NKAIN2: variants seen among roughly 807,000 people sequenced by gnomAD.
The protein encoded by NKAIN2 is sodium/potassium transporting ATPase interacting 2, also known as sodium/potassium-transporting ATPase subunit beta-1-interacting protein 2.
Under a neutral mutation model 32.6 loss-of-function variants are expected in NKAIN2, and 14 were observed. That is an observed-to-expected ratio of 0.43 (90% confidence interval 0.28 to 0.67). The LOEUF (loss-of-function observed/expected upper bound fraction) is 0.67, where lower values mean the gene tolerates loss of function less well. Ranked by LOEUF, NKAIN2 falls within the 30% of genes least tolerant of loss-of-function variation. The pLI, the probability that NKAIN2 is intolerant of heterozygous loss-of-function variation, is 0.17. For missense variants in NKAIN2, 198 were observed against 258.3 expected (o/e 0.77, Z 1.60); for synonymous variants, 80 against 87.2 (o/e 0.92, Z 0.46).
At chr6:124,090,395 T>C (rs558946459) in intron 1 of NKAIN2, among the ~76,000 whole-genome samples, 28 of 152,130 alleles carry the variant, frequency 1.8e-4, no homozygotes, top group African/African-American at 6.5e-4. Context: ...GGGAGTAAAC[T>C]TTCTGACTGC....
chr6:124,561,063 A>G (rs999943251), intron 3 of NKAIN2, among the ~76,000 whole-genome samples: 2 of 143,474 alleles, frequency 1.4e-5, no homozygotes, highest in African/African-American at 2.5e-5. Flanking sequence ...CAGTGCCCTC[A>G]TCAGCCCTGA....
At chr6:124,501,126 T>A (rs551426392) in intron 3 of NKAIN2, among the ~76,000 whole-genome samples, 32 of 151,754 alleles carry the variant, frequency 2.1e-4, no homozygotes, top group Non-Finnish European at 4.3e-4. Flanking sequence ...AATGTAGGAG[T>A]CATGGGAGTC....
At chr6:124,067,735 C>T (rs888633460) in intron 1 of NKAIN2, among the ~76,000 whole-genome samples, 2 of 152,110 alleles carry the variant, frequency 1.3e-5, no homozygotes, top group African/African-American at 4.8e-5. Flanking sequence ...CTGCTACTGA[C>T]TAGATATGTT....
At chr6:124,502,683 T>C (rs908542123) in intron 3 of NKAIN2, among the ~76,000 whole-genome samples, 1 of 152,186 alleles carries the variant, frequency 6.6e-6, no homozygotes, top group East Asian at 1.9e-4. Flanking sequence ...GAGATAATGA[T>C]CTTCCCTCAT....
At chr6:123,912,759 T>C (rs1009292834) in intron 1 of NKAIN2, among the ~76,000 whole-genome samples, 2 of 152,220 alleles carry the variant, frequency 1.3e-5, no homozygotes, top group Non-Finnish European at 2.9e-5. Flanking sequence ...TTGTACAGCC[T>C]GCAGGGGCAC....
At chr6:124,775,093 T>C (rs1778929428) in intron 4 of NKAIN2, among the ~76,000 whole-genome samples, 1 of 152,194 alleles carries the variant, frequency 6.6e-6, no homozygotes, top group African/African-American at 2.4e-5. Context: ...ACAGTCAATA[T>C]TTGATAATCA....
chr6:123,903,923 T>C (rs1200060990), intron 1 of NKAIN2, among the ~76,000 whole-genome samples: 2 of 151,804 alleles, frequency 1.3e-5, no homozygotes, highest in Admixed American at 6.6e-5. Flanking sequence ...TTTTTTTTTT[T>C]CTAAAGAAAA....
chr6:123,830,440 A>C (rs1055895734), intron 1 of NKAIN2, among the ~76,000 whole-genome samples: 2 of 151,966 alleles, frequency 1.3e-5, no homozygotes, highest in Non-Finnish European at 2.9e-5. Context: ...TTTGCTAATA[A>C]ATTTCCCCCT....
At chr6:124,257,524 A>G (rs931557718) in intron 1 of NKAIN2, among the ~76,000 whole-genome samples, 2 of 152,202 alleles carry the variant, frequency 1.3e-5, no homozygotes, top group African/African-American at 4.8e-5. Flanking sequence ...TTATTTATGT[A>G]AATAAAAACT....
intron 3 of NKAIN2, among the ~76,000 whole-genome samples, chr6:124,472,939 G>A (rs770715435): frequency 6.6e-6 from 1 of 151,902 alleles, no homozygotes. Flanking sequence ...TGGTAAATTG[G>A]GAGAGTTTGG....
chr6:124,359,488 A>G (rs1041598843), intron 3 of NKAIN2, among the ~76,000 whole-genome samples: 3 of 152,152 alleles, frequency 2.0e-5, no homozygotes, highest in African/African-American at 7.2e-5. Flanking sequence ...GGTCCTTCAC[A>G]TCCCTTGTAA....
chr6:124,161,714 G>T (rs1429647472), intron 1 of NKAIN2, among the ~76,000 whole-genome samples: 1 of 152,022 alleles, frequency 6.6e-6, no homozygotes, highest in Non-Finnish European at 1.5e-5. Context: ...GATACCACAT[G>T]TTCTCACTTA....
chr6:123,814,630 G>C (rs1165615274), intron 1 of NKAIN2, among the ~76,000 whole-genome samples: 1 of 152,084 alleles, frequency 6.6e-6, no homozygotes, highest in African/African-American at 2.4e-5. Flanking sequence ...ACTCTGTTAA[G>C]TACCTTAAAC....
At chr6:124,620,054 A>T (rs1387583332) in intron 3 of NKAIN2, among the ~76,000 whole-genome samples, 1 of 152,170 alleles carries the variant, frequency 6.6e-6, no homozygotes, top group Non-Finnish European at 1.5e-5. Context: ...CTGGCTCATT[A>T]TAGATGCCTG....
intron 3 of NKAIN2, among the ~76,000 whole-genome samples, chr6:124,502,448 T>C (rs554669211): frequency 7.2e-5 from 11 of 152,350 alleles, no homozygotes; most frequent in Middle Eastern, 3.4e-3. Context: ...TGTGAATTCT[T>C]CCACACATAC....
intron 4 of NKAIN2, among the ~76,000 whole-genome samples, chr6:124,709,576 A>T (rs1284887341): frequency 6.7e-6 from 1 of 149,696 alleles, no homozygotes; most frequent in Admixed American, 6.6e-5. Flanking sequence ...GGGAGAGTGT[A>T]TGTGTTGAGG....
At position 124,469,005 on chromosome 6, in the gene NKAIN2, A is replaced by G. The variant is rs573114293; in HGVS notation, c.273+113658A>G. Among the ~76,000 whole-genome samples the G allele has an allele frequency of 4.6e-5, 7 of 152,316 alleles. No homozygotes were observed. In the East Asian group the frequency reaches 1.2e-3, roughly 25 times the overall value. On this transcript the variant is annotated intron_variant, in intron 3 of 6. Transcript: ENST00000368417. ...CTTACAACATTGCTCTAATCTACTT[A>G]TATCAATTCTGCCCTTTGGGGACAC... is the stretch of plus-strand genomic sequence containing the variant.
chr6:124,168,744 T>C (rs967014602), intron 1 of NKAIN2, among the ~76,000 whole-genome samples: 5 of 152,164 alleles, frequency 3.3e-5, no homozygotes, highest in African/African-American at 9.6e-5. Flanking sequence ...ATCTTAATGA[T>C]AGTAACAGCC....
chr6:124,458,635 A>C (rs1449226595), intron 3 of NKAIN2, among the ~76,000 whole-genome samples: 1 of 151,836 alleles, frequency 6.6e-6, no homozygotes, highest in African/African-American at 2.4e-5. Flanking sequence ...AGAAAAAAAT[A>C]AAATTGAAAA....
Sources: allele counts gnomAD v4.1 joint callset (sites outside exome capture counted in the v4.1 genomes callset), GRCh38; gene constraint gnomAD v4.1.1; transcripts MANE v1.5; gene names NCBI Gene and HGNC (gene_info 2026-07-23, HGNC 2026-07-21).